Variants in AUTS2 observed in about 807,000 individuals in gnomAD.
The protein encoded by AUTS2 is autism susceptibility gene 2 protein.
Under a neutral mutation model 112.4 loss-of-function variants are expected in AUTS2, and 17 were observed. The observed-to-expected ratio is 0.15, with a 90% CI of 0.10 to 0.23. AUTS2 has a LOEUF of 0.23. Ranked by LOEUF, AUTS2 falls within the 10% of genes least tolerant of loss-of-function variation. The pLI, the probability that AUTS2 is intolerant of heterozygous loss-of-function variation, is 1.00. For missense variants in AUTS2, 1,510 were observed against 1,701.6 expected, an observed-to-expected ratio of 0.89 and a Z score of 1.98; for synonymous variants, 751 against 702.7, an observed-to-expected ratio of 1.07 and a Z score of -1.09.
intron 2 of AUTS2, among the ~76,000 whole-genome samples, chr7:69,994,915 C>T (rs1336611898): frequency 6.6e-6 from 1 of 152,134 alleles, no homozygotes; most frequent in Non-Finnish European, 1.5e-5. Flanking sequence ...AGCATCAACT[C>T]GCCCTTTATC....
At chr7:70,725,876 A>G (rs1786996332) in intron 6 of AUTS2, among the ~76,000 whole-genome samples, 1 of 151,880 alleles carries the variant, frequency 6.6e-6, no homozygotes, top group African/African-American at 2.4e-5. Flanking sequence ...GGAGTTTGAG[A>G]CCAGCGTGGG....
intron 5 of AUTS2, among the ~76,000 whole-genome samples, chr7:70,651,300 C>T (rs573328967): frequency 6.6e-6 from 1 of 152,192 alleles, no homozygotes; most frequent in African/African-American, 2.4e-5. Flanking sequence ...AGCCTGCCCC[C>T]TCTCTGGTGC....
chr7:69,926,659 A>G (rs1796027657), intron 2 of AUTS2, among the ~76,000 whole-genome samples: 1 of 151,388 alleles, frequency 6.6e-6, no homozygotes, highest in Non-Finnish European at 1.5e-5. Context: ...CAGCCTTGAG[A>G]ATGAATAAAG....
intron 4 of AUTS2, chr7:70,290,554 T>G (rs1788663287): frequency 3.3e-6 from 5 of 1,495,954 alleles, no homozygotes; most frequent in Non-Finnish European, 4.4e-6. Flanking sequence ...ATACTCTATG[T>G]GATATAGATT....
chr7:70,637,558 G>A (rs1431374185), intron 5 of AUTS2, among the ~76,000 whole-genome samples: 4 of 152,204 alleles, frequency 2.6e-5, no homozygotes, highest in East Asian at 1.9e-4. Context: ...TGGGCAAGTC[G>A]AAGAGTCCAG....
chr7:69,824,551 G>A (rs1192070643), intron 1 of AUTS2: 3 of 149,920 alleles, frequency 2.0e-5, no homozygotes, highest in Admixed American at 2.0e-4. Flanking sequence ...TTTTTTAATC[G>A]CCGATCTTGG....
intron 1 of AUTS2, among the ~76,000 whole-genome samples, chr7:69,693,428 C>G (rs1266935783): frequency 3.3e-5 from 5 of 152,194 alleles, no homozygotes; most frequent in Non-Finnish European, 7.4e-5. Flanking sequence ...ATAATTTTTT[C>G]TCTTGGCCAT....
chr7:70,400,359 CTATCTAGAGTGGTG>C (rs1794274362), intron 4 of AUTS2, among the ~76,000 whole-genome samples: 1 of 152,162 alleles, frequency 6.6e-6, no homozygotes, highest in African/African-American at 2.4e-5. Flanking sequence ...GATGTTTACA[CTATCTAGAGTGGTG>C]TGTTCTACCC....
At chr7:69,864,401 CCT>C (rs1793127537) in intron 1 of AUTS2, among the ~76,000 whole-genome samples, 1 of 152,082 alleles carries the variant, frequency 6.6e-6, no homozygotes, top group African/African-American at 2.4e-5. Context: ...GGTGTGGTTC[CCT>C]CTCCTTAATT....
intron 4 of AUTS2, among the ~76,000 whole-genome samples, chr7:70,392,859 C>T (rs1170724634): frequency 6.6e-6 from 1 of 152,176 alleles, no homozygotes; most frequent in Non-Finnish European, 1.5e-5. Context: ...TTTTCAGCTT[C>T]CTGTTTTCTA....
At position 70,164,244 on chromosome 7, in the gene AUTS2, G is replaced by C. The variant is rs183412278; in HGVS notation, c.660+29673G>C. 5.5e-4 allele frequency among the ~76,000 whole-genome samples: 83 copies of C among 150,840 alleles called. 1 individual carries two copies. The highest frequency in any genetic ancestry group is 5.4e-3 in the Admixed American group (81 of 15,068). ...TTGTAAGATGTAGTTGTTATAAGTA[G>C]ATGTAATTGTTATAAGATGTAATTG... On this transcript the variant is annotated intron_variant, in intron 4 of 18. Coordinates refer to ENST00000342771, the MANE Select transcript of AUTS2 (RefSeq NM_015570.4).
intron 5 of AUTS2, among the ~76,000 whole-genome samples, chr7:70,521,110 G>A (rs900400167): frequency 2.0e-5 from 3 of 152,140 alleles, no homozygotes; most frequent in African/African-American, 7.2e-5. Context: ...TGGTCACTGA[G>A]TAGATGAATG....
intron 1 of AUTS2, among the ~76,000 whole-genome samples, chr7:69,859,773 G>T (rs1055184468): frequency 6.6e-6 from 1 of 152,120 alleles, no homozygotes; most frequent in Non-Finnish European, 1.5e-5. Context: ...CCTCTGTTCT[G>T]TCAAGCCTGT....
chr7:70,790,721 T>G lies in AUTS2; in HGVS notation c.3505T>G (p.Ser1169Ala), dbSNP rs764164239. Residue 1169 changes from serine (S) to alanine (A), a missense_variant, in exon 19 of 19, where the codon TCC (serine) becomes GCC (alanine). By Grantham distance (99) the Ser-to-Ala change is moderately conservative. This residue lies in a region of AUTS2 where 788 missense variants were observed against 797.6 expected (regional missense o/e 0.99). Coordinates refer to ENST00000342771, the MANE Select transcript of AUTS2 (RefSeq NM_015570.4). This position sits in a 1 kb window ranked among gnomAD's most constrained non-coding sequence, Gnocchi z 7.6. ...AGACTACGAGCACACGCGGCTCCACTCCGTGCACCCCGCCTCCCTCGACGG... is the reference window on the plus strand; with the variant it reads ...AGACTACGAGCACACGCGGCTCCACGCCGTGCACCCCGCCTCCCTCGACGG... ...REDYEHTRLH[S>A]VHPASLDGHL... 15 of 1,613,226 alleles carry G rather than the reference T, an allele frequency of 9.3e-6. No homozygotes were observed. Among genetic ancestry groups the G allele is most frequent in the Non-Finnish European group, 1.3e-5 (15 of 1,179,930 alleles).
At chr7:70,248,149 G>A (rs1338184778) in intron 4 of AUTS2, among the ~76,000 whole-genome samples, 1 of 152,126 alleles carries the variant, frequency 6.6e-6, no homozygotes, top group Non-Finnish European at 1.5e-5. Context: ...TTTCATCCAA[G>A]TTCATGAGTC....
chr7:70,026,000 G>C (rs560625989), intron 2 of AUTS2, among the ~76,000 whole-genome samples: 8 of 152,206 alleles, frequency 5.3e-5, no homozygotes, highest in Admixed American at 5.2e-4. Context: ...TCACCTCCCA[G>C]TGCCCTCTGG....
chr7:70,606,807 A>C (rs1168317900), intron 5 of AUTS2, among the ~76,000 whole-genome samples: 1 of 148,864 alleles, frequency 6.7e-6, no homozygotes, highest in Non-Finnish European at 1.5e-5. Flanking sequence ...GGTTGCAGTG[A>C]GTCGAGATTG....
chr7:70,661,243 C>T (rs764473088), intron 5 of AUTS2, among the ~76,000 whole-genome samples: 4 of 152,060 alleles, frequency 2.6e-5, no homozygotes, highest in South Asian at 2.1e-4. Context: ...CTCTCCCTGG[C>T]GGCGTCTGAG....
At chr7:70,684,328 A>C (rs1381724592) in intron 5 of AUTS2, among the ~76,000 whole-genome samples, 1 of 152,126 alleles carries the variant, frequency 6.6e-6, no homozygotes, top group Non-Finnish European at 1.5e-5. Context: ...CAAACCACAA[A>C]ACCTGGGAAG....
Sources: allele counts gnomAD v4.1 joint callset (sites outside exome capture counted in the v4.1 genomes callset), GRCh38; gene constraint gnomAD v4.1.1; regional missense constraint gnomAD v4.1.1; non-coding constraint Gnocchi (gnomAD v3.1); transcripts MANE v1.5; gene names NCBI Gene and HGNC (gene_info 2026-07-23, HGNC 2026-07-21).